Variants in NOA1 observed in about 807,000 individuals in gnomAD.
NOA1 encodes nitric oxide-associated protein 1.
In NOA1, 35 loss-of-function variants were observed where a neutral mutation model predicts 58.4. The observed-to-expected ratio is 0.60, with a 90% CI of 0.46 to 0.79. The LOEUF (loss-of-function observed/expected upper bound fraction) is 0.79, where lower values mean the gene tolerates loss of function less well. Ranked by LOEUF, NOA1 falls within the 30% of genes least tolerant of loss-of-function variation. The probability of loss-of-function intolerance (pLI) is 0.00; values close to 1 mark genes in which losing one functional copy is unlikely to be tolerated. For synonymous variants in NOA1, 397 were observed against 373.4 expected (o/e 1.06, Z -0.73); for missense variants, 895 against 894.6 (o/e 1.00, Z -0.01).
Position 56,977,277 on chromosome 4 carries a change from T to C in NOA1, c.309A>G (p.Arg103=). ...GCTCCTCCCGCCGCTGCTGCCTCTG[T>C]CGCTCCTCCTCCTCCTGCTGTTGCT... ...ELQQQQEEEE[R]QRQQRREERR... The change falls in exon 1 of 7, where the codon CGA becomes CGG. Residue 103 remains arginine (R), a synonymous_variant. Coordinates refer to ENST00000264230, the MANE Select transcript of NOA1 (RefSeq NM_032313.4). 1 of 1,613,492 alleles carries C rather than the reference T, an allele frequency of 6.2e-7. No individual in the cohort carries two copies. The highest frequency in any genetic ancestry group is 1.1e-5 in the South Asian group (1 of 91,054).
rs756309023 is a variant in NOA1 at position 56,963,610 on chromosome 4, T to C, written c.1937A>G (p.Tyr646Cys). 36 of 1,614,034 alleles carry C rather than the reference T, an allele frequency of 2.2e-5. No individual in the cohort carries two copies. The highest frequency in any genetic ancestry group is 4.0e-5 in the African/African-American group (3 of 74,910). ...GGTCAAAACTGTTCCTTCAGGTGTA[T>C]AGCCTCGGAGATGCAGTCTGTCCTT... ...NFKDRLHLRG[Y>C]TPEGTVLTVR... is the part of the protein sequence containing the mutation. The change falls in exon 7 of 7, where the codon TAT becomes TGT. Residue 646 changes from tyrosine (Y) to cysteine (C), a missense_variant. Tyr to Cys is a radical substitution (Grantham distance 194). Around this residue, in one of 3 missense-constraint regions of NOA1, gnomAD observed 212 missense variants for 221.3 expected, o/e 0.96. Coordinates refer to ENST00000264230, the MANE Select transcript of NOA1 (RefSeq NM_032313.4).
At position 56,973,395 on chromosome 4, in the gene NOA1, A is replaced by T. The variant is rs770284205; in HGVS notation, c.1310-42T>A. On this transcript the variant is annotated intron_variant, in intron 2 of 6. Transcript: ENST00000264230. ...TAAGGTTATTAGTCACTCCTTTAAT[A>T]CTTTTAACTCCAGACATAATTTTTA... 4.1e-6 allele frequency: 6 copies of T among 1,464,784 alleles called. No individual in the cohort carries two copies. In the East Asian group the frequency reaches 1.4e-4, roughly 33 times the overall value. 90.7% of individuals were successfully genotyped at this position (1,464,784 alleles called of 1,614,324 possible). A position where few individuals can be genotyped will look rare whatever the true frequency, so the allele number is the denominator to read the frequency against.
chr4:56,970,541 G>A (rs745783497), intron 3 of NOA1, among the ~76,000 whole-genome samples: 1 of 151,668 alleles, frequency 6.6e-6, no homozygotes, highest in Non-Finnish European at 1.5e-5. Flanking sequence ...TGCAACCTCT[G>A]CCTCCCAATA....
At chr4:56,972,011 C>T (rs1721819712) in intron 3 of NOA1, among the ~76,000 whole-genome samples, 1 of 152,030 alleles carries the variant, frequency 6.6e-6, no homozygotes, top group Non-Finnish European at 1.5e-5. Flanking sequence ...GCCTCAGCCT[C>T]CCGAGTAGCT....
At chr4:56,965,131 C>G (rs1391951272) in intron 5 of NOA1, among the ~76,000 whole-genome samples, 3 of 151,972 alleles carry the variant, frequency 2.0e-5, no homozygotes, top group African/African-American at 7.3e-5. Flanking sequence ...TCCCGAGTAA[C>G]TGGGATTACA....
chr4:56,976,890 G>C lies in NOA1; in HGVS notation c.696C>G (p.Pro232=), dbSNP rs1240952168. ...TGGGGCCCACCAGCGCGGGCAAGTC[G>C]GGCAGCAGGGCGTCGGGCAGGTCCA... is the stretch of plus-strand genomic sequence containing the variant. The part of the protein sequence containing the change: ...DLLDLPDALL[P]DLPALVGPKQ... The change falls in exon 1 of 7, where the codon CCC becomes CCG. Residue 232 remains proline, a synonymous_variant. Coordinates refer to ENST00000264230, the MANE Select transcript of NOA1 (RefSeq NM_032313.4). 1.2e-5 allele frequency: 19 copies of C among 1,612,874 alleles called. No individual in the cohort carries two copies. The East Asian group carries it at 3.6e-4, about 30-fold the overall frequency.
rs566168500 is a variant in NOA1 at position 56,967,105 on chromosome 4, G to C, written c.1648-369C>G. Among the ~76,000 whole-genome samples the C allele has an allele frequency of 9.9e-4, 150 of 152,258 alleles. 1 individual carries two copies. Among genetic ancestry groups the C allele is most frequent in the Non-Finnish European group, 2.0e-3 (135 of 68,026 alleles). On this transcript the variant is annotated intron_variant, in intron 4 of 6. Transcript: ENST00000264230. ...ATGAAATATATAAGGGTGCAAGCCT[G>C]GTGTGGTGGCTCATGCCTATAATCC...
rs548214613 is a variant in NOA1 at position 56,973,083 on chromosome 4, G to A, written c.1515+65C>T. ...ATAAATTGGCTGTATCTGGGCAGCA[G>A]GCAATATAAACCCATTAAAAAAGAA... is the stretch of plus-strand genomic sequence containing the variant. On this transcript the variant is annotated intron_variant, in intron 3 of 6. Transcript: ENST00000264230. 1.4e-5 allele frequency: 19 copies of A among 1,405,606 alleles called. No individual in the cohort carries two copies. The East Asian group carries it at 2.7e-4, about 20-fold the overall frequency. 87.1% of individuals were successfully genotyped at this position (1,405,606 alleles called of 1,614,324 possible).
chr4:56,972,107 C>T (rs759889828), intron 3 of NOA1, among the ~76,000 whole-genome samples: 9 of 152,176 alleles, frequency 5.9e-5, no homozygotes, highest in South Asian at 2.1e-4. Context: ...CAGATGGTCT[C>T]GATCTCCTGA....
intron 1 of NOA1, among the ~76,000 whole-genome samples, chr4:56,974,748 T>C (rs1219350370): frequency 6.6e-6 from 1 of 152,020 alleles, no homozygotes; most frequent in Non-Finnish European, 1.5e-5. Flanking sequence ...CGTCTTGCTC[T>C]GTTGCCCAGG....
intron 3 of NOA1, among the ~76,000 whole-genome samples, chr4:56,970,025 C>CAA (rs1721786654): frequency 2.0e-5 from 3 of 152,106 alleles, no homozygotes; most frequent in Admixed American, 2.0e-4. Flanking sequence ...CTCAAGTGAT[C>CAA]CACTTACCTT....
chr4:56,973,208 T>G lies in NOA1; in HGVS notation c.1455A>C (p.Ala485=), dbSNP rs144225797. Residue 485 remains alanine (A), a synonymous_variant, in exon 3 of 7, where the codon GCA becomes GCC. Transcript: ENST00000264230. ...ACCAGTGGGCATCTTTCACATCTTG[T>G]GCAGTCAATTCTACTTGTTTGGTGG... ...HKSTKQVELT[A]QDVKDAHWFY... 6.2e-7 allele frequency: 1 copy of G among 1,614,054 alleles called. No homozygotes were observed. The highest frequency in any genetic ancestry group is 1.3e-5 in the African/African-American group (1 of 74,932).
intron 5 of NOA1, 53 bp downstream of exon 5, chr4:56,966,567 A>T (rs1305208100): frequency 9.5e-7 from 1 of 1,047,260 alleles, no homozygotes; most frequent in Admixed American, 1.9e-5. Flanking sequence ...GAGCTATGGG[A>T]CCATCCCAGT....
chr4:56,975,749 G>A (rs568292526), intron 1 of NOA1, among the ~76,000 whole-genome samples: 119 of 152,292 alleles, frequency 7.8e-4, no homozygotes, highest in African/African-American at 2.8e-3. Flanking sequence ...AGTGGCGTGC[G>A]CCTGTAATCC....
chr4:56,977,589 G>A lies in NOA1; in HGVS notation c.-4C>T, dbSNP rs1426545651. 4.3e-5 allele frequency: 67 copies of A among 1,568,390 alleles called. No homozygotes were observed. The highest frequency in any genetic ancestry group is 1.7e-4 in the Middle Eastern group (1 of 5,836). ...ACGGTAGGCGAGCGGGCAGCATGAG[G>A]AAGTAGCTCCAAAGGGGCGGAGCCA... On this transcript the variant is annotated 5_prime_UTR_variant, in exon 1 of 7. Transcript: ENST00000264230.
intron 3 of NOA1, among the ~76,000 whole-genome samples, chr4:56,971,890 CTTTTT>C (rs71657244): frequency 7.1e-6 from 1 of 140,590 alleles, no homozygotes; most frequent in Non-Finnish European, 1.6e-5. Context: ...TAATGCTATT[CTTTTT>C]TTTTTTTTTT....
intron 3 of NOA1, among the ~76,000 whole-genome samples, chr4:56,971,570 A>G (rs528503503): frequency 3.0e-4 from 46 of 152,300 alleles, no homozygotes; most frequent in African/African-American, 1.0e-3. Context: ...AAAGTACCTA[A>G]GAAACCAATG....
chr4:56,964,516 C>T lies in NOA1; in HGVS notation c.1775G>A (p.Gly592Asp), dbSNP rs1227259237. ...AGHTLLQIPM[G>D]GKERMAGFPP... ...AAATCCTGCCATTCGTTCTTTTCCA[C>T]CCATTGGAATCTTCCAATGAAATAA... The change falls in exon 6 of 7, where the codon GGT becomes GAT. Residue 592 changes from glycine to aspartate, a missense_variant. Physicochemically the swap from Gly to Asp is moderately conservative, Grantham distance 94. Coordinates refer to ENST00000264230, the MANE Select transcript of NOA1 (RefSeq NM_032313.4). 1.9e-6 allele frequency: 3 copies of T among 1,613,628 alleles called. No individual in the cohort carries two copies. The highest frequency in any genetic ancestry group is 2.2e-5 in the East Asian group (1 of 44,890).
Position 56,976,695 on chromosome 4 carries a change from C to T in NOA1, c.891G>A (p.Gly297=). ...ACCAGTTCGGCGGATTCGGATTCTC[C>T]CCGTCCTGTGGCTCGTCCTTGACGG... ...QRPVKDEPQD[G]ENPNPPNWSR... Residue 297 remains glycine, a synonymous_variant, in exon 1 of 7, where the codon GGG becomes GGA. Coordinates refer to ENST00000264230, the MANE Select transcript of NOA1 (RefSeq NM_032313.4). 3 of 1,613,572 alleles carry T rather than the reference C, an allele frequency of 1.9e-6. No individual in the cohort carries two copies. The South Asian group carries it at 3.3e-5, about 18-fold the overall frequency.
Sources: gnomAD v4.1 joint callset for allele counts (sites outside exome capture counted in the v4.1 genomes callset) on GRCh38, gnomAD v4.1.1 for gene constraint, gnomAD v4.1.1 regional missense constraint, MANE v1.5 for transcripts, NCBI Gene and HGNC (gene_info 2026-07-23, HGNC 2026-07-21) for gene names.